Variants in SPATA22 observed in about 807,000 individuals in gnomAD.
The protein encoded by SPATA22 is spermatogenesis associated 22, also known as spermatogenesis-associated protein 22.
In SPATA22, 29 loss-of-function variants were observed where a neutral mutation model predicts 47.8. That is an observed-to-expected ratio of 0.61 (90% CI 0.45 to 0.83). The LOEUF (loss-of-function observed/expected upper bound fraction) is 0.83. Among genes scored for constraint, SPATA22 ranks in the 40% least tolerant of loss-of-function variants. The pLI, the probability that SPATA22 is intolerant of heterozygous loss-of-function variation, is 0.00. For synonymous variants in SPATA22, 133 were observed against 140.9 expected (o/e 0.94, Z 0.40); for missense variants, 410 against 421.7 (o/e 0.97, Z 0.24).
chr17:3,453,533 G>C (rs1273383748), intron 5 of SPATA22, among the ~76,000 whole-genome samples: 1 of 152,114 alleles, frequency 6.6e-6, no homozygotes, highest in Non-Finnish European at 1.5e-5. Flanking sequence ...AATTCCCACA[G>C]CTAACATCAT....
chr17:3,463,472 C>T (rs764096216), intron 3 of SPATA22, among the ~76,000 whole-genome samples: 5 of 152,064 alleles, frequency 3.3e-5, no homozygotes, highest in Admixed American at 6.5e-5. Flanking sequence ...AGAAAAGGTA[C>T]AGTAAAAATA....
At chr17:3,501,075 C>T (rs1447952574) in intron 1 of SPATA22, 2 of 151,780 alleles carry the variant, frequency 1.3e-5, no homozygotes, top group African/African-American at 2.4e-5. Context: ...GACATCCAGC[C>T]GAAGCCCATG....
At chr17:3,443,356 C>G (rs2072639466) in intron 7 of SPATA22, 85 bp from the exon 8 acceptor site, 1 of 883,060 alleles carries the variant, frequency 1.1e-6, no homozygotes, top group East Asian at 2.7e-5. Context: ...GTTTAAATAA[C>G]TATCCATATC....
At chr17:3,462,005 C>A (rs367604580) in intron 5 of SPATA22, among the ~76,000 whole-genome samples, 8 of 152,300 alleles carry the variant, frequency 5.3e-5, no homozygotes, top group African/African-American at 1.9e-4. Context: ...ATTTCTTGAG[C>A]CCCTACTATT....
At chr17:3,497,205 G>A (rs545972885) in intron 1 of SPATA22, among the ~76,000 whole-genome samples, 15 of 152,210 alleles carry the variant, frequency 9.9e-5, no homozygotes, top group South Asian at 6.2e-4. Flanking sequence ...GCACAATGTC[G>A]GAATCTCCAC....
chr17:3,475,029 T>G (rs1311654458), upstream of SPATA22, among the ~76,000 whole-genome samples: 2 of 152,090 alleles, frequency 1.3e-5, no homozygotes, highest in African/African-American at 2.4e-5. Context: ...ATAAACTGAG[T>G]GAAAGGACAT....
chr17:3,490,051 C>T lies in SPATA22; in HGVS notation c.-73-20653G>A, dbSNP rs2150754320. 6.6e-6 allele frequency among the ~76,000 whole-genome samples: 1 copy of T among 152,258 alleles called. No individual in the cohort carries two copies. Among genetic ancestry groups the T allele is most frequent in the African/African-American group, 2.4e-5 (1 of 41,540 alleles). ...AAGTTGCAGACCAAGACATTCAGTA[C>T]ACCAATTGGCTTTAAAATAACAATA... On this transcript the variant is annotated intron_variant, in intron 1 of 8. Coordinates refer to the SPATA22 transcript ENST00000541913. The surrounding 1 kb of genome is among the most constrained non-coding windows in gnomAD (Gnocchi z 4.6).
rs138085220 is a variant in SPATA22, at chr17:3,453,444, G to A, written c.330-4295C>T. Among the ~76,000 whole-genome samples, 345 of 152,082 alleles carry A rather than the reference G, an allele frequency of 2.3e-3. 2 individuals carry two copies. The highest frequency in any genetic ancestry group is 7.4e-3 in the African/African-American group (306 of 41,470). ...AGATGCAGAAAAAGCATCTGACAAA[G>A]TTCAACATCCATTCAGTTTACTCTA... On this transcript the variant is annotated intron_variant, in intron 5 of 8. Coordinates refer to ENST00000572969, the MANE Select transcript of SPATA22 (RefSeq NM_001170698.2).
chr17:3,440,480 C>G (rs1328636171), intron 8 of SPATA22, 142 bp from the exon 9 acceptor site: 1 of 591,418 alleles, frequency 1.7e-6, no homozygotes, highest in East Asian at 3.1e-5. Context: ...CCACTGCTAA[C>G]AAGACAATGA....
At chr17:3,447,310 T>C (rs947796450) in intron 6 of SPATA22, among the ~76,000 whole-genome samples, 4 of 152,104 alleles carry the variant, frequency 2.6e-5, no homozygotes, top group South Asian at 2.1e-4. Context: ...TGTGTTAAAA[T>C]ACTAATTTTC....
At chr17:3,446,736 A>T (rs1422149262) in intron 6 of SPATA22, 135 bp from the exon 7 acceptor site, 1 of 698,048 alleles carries the variant, frequency 1.4e-6, no homozygotes, top group African/African-American at 1.9e-5. Context: ...ATTTTAGTAT[A>T]GTTACTTCCC....
chr17:3,508,897 TAAAAAAA>T (rs59201485), intron 1 of SPATA22, among the ~76,000 whole-genome samples: 42,294 of 113,424 alleles, frequency 0.37, 7,134 homozygotes, highest in South Asian at 0.62. Flanking sequence ...GCTTAAAGTA[TAAAAAAA>T]AAAAAAAAAA....
At chr17:3,445,268 A>C (rs2150696423) in intron 7 of SPATA22, among the ~76,000 whole-genome samples, 1 of 152,274 alleles carries the variant, frequency 6.6e-6, no homozygotes, top group East Asian at 1.9e-4. Flanking sequence ...TATTGCAGTT[A>C]CGTGGCTACT....
At chr17:3,464,888 T>TGG (rs557037862) in intron 3 of SPATA22, among the ~76,000 whole-genome samples, 12 of 69,288 alleles carry the variant, frequency 1.7e-4, no homozygotes, top group East Asian at 1.1e-3. Flanking sequence ...GGGAGGGGGG[T>TGG]GGGGGGGGGT....
chr17:3,502,740 C>T (rs2074005923), intron 1 of SPATA22: 1 of 152,262 alleles, frequency 6.6e-6, no homozygotes, highest in Admixed American at 6.5e-5. Flanking sequence ...CTCACGCACC[C>T]CCTGAGGAGC....
intron 5 of SPATA22, among the ~76,000 whole-genome samples, chr17:3,459,344 G>A (rs1202366224): frequency 6.6e-6 from 1 of 152,058 alleles, no homozygotes; most frequent in Non-Finnish European, 1.5e-5. Context: ...ACTGAAATCA[G>A]GTCACTATGT....
chr17:3,451,588 T>C (rs182730930), intron 5 of SPATA22, among the ~76,000 whole-genome samples: 5 of 152,148 alleles, frequency 3.3e-5, no homozygotes, highest in Admixed American at 2.0e-4. Flanking sequence ...TTTAAGAAGA[T>C]CAAAATCACA....
At chr17:3,476,238 G>A (rs766328537), upstream of SPATA22, 27 of 1,614,018 alleles carry the variant, frequency 1.7e-5, no homozygotes, top group Middle Eastern at 3.3e-4. Context: ...TGAGCTAACC[G>A]GAGTATTTCT....
chr17:3,452,792 G>A (rs1401590795), intron 5 of SPATA22, among the ~76,000 whole-genome samples: 2 of 151,942 alleles, frequency 1.3e-5, no homozygotes. Context: ...CAGAAGAAAT[G>A]GATAAATACC....
Sources: allele counts gnomAD v4.1 joint callset (sites outside exome capture counted in the v4.1 genomes callset), GRCh38; gene constraint gnomAD v4.1.1; non-coding constraint Gnocchi (gnomAD v3.1); transcripts MANE v1.5; gene names NCBI Gene and HGNC (gene_info 2026-07-23, HGNC 2026-07-21).